Variants in SKA2 observed in about 807,000 individuals in gnomAD.
SKA2 encodes the protein spindle and kinetochore associated complex subunit 2, also known as spindle and kinetochore-associated protein 2.
Under a neutral mutation model 16.9 loss-of-function variants are expected in SKA2, and 13 were observed. The observed-to-expected ratio is 0.77, with a 90% confidence interval of 0.50 to 1.22. The LOEUF (loss-of-function observed/expected upper bound fraction) is 1.22, where lower values mean the gene tolerates loss of function less well. SKA2 is among the 50% of genes most tolerant of loss of function. The probability of loss-of-function intolerance (pLI) is 0.00; values close to 1 mark genes in which losing one functional copy is unlikely to be tolerated. For synonymous variants in SKA2, 47 were observed against 48.5 expected (o/e 0.97, Z 0.13); for missense variants, 107 against 139.7 (o/e 0.77, Z 1.18).
chr17:59,141,332 G>C (rs529870322), intron 1 of SKA2, among the ~76,000 whole-genome samples: 1 of 152,124 alleles, frequency 6.6e-6, no homozygotes, highest in East Asian at 1.9e-4. Flanking sequence ...GGGAAGCGGA[G>C]GTTGCAATGA....
chr17:59,111,203 C>G lies in SKA2; in HGVS notation c.*1074G>C, dbSNP rs929708885. On this transcript the variant is annotated 3_prime_UTR_variant, in exon 4 of 4. Transcript: ENST00000330137. ...ATATGACTCCAAAGCCCAATCTTCA[C>G]TACAAAACTGCAATACCTGCTTTCC... 6.6e-6 allele frequency: 1 copy of G among 152,204 alleles called. No individual in the cohort carries two copies. Among genetic ancestry groups the G allele is most frequent in the Non-Finnish European group, 1.5e-5 (1 of 68,036 alleles). 9.4% of individuals were successfully genotyped at this position (152,204 alleles called of 1,614,324 possible).
intron 1 of SKA2, among the ~76,000 whole-genome samples, chr17:59,132,333 G>T (rs2046416792): frequency 6.7e-6 from 1 of 150,058 alleles, no homozygotes; most frequent in Non-Finnish European, 1.5e-5. Flanking sequence ...TCCAGCCTGG[G>T]CGACAAGAAT....
chr17:59,140,332 G>A (rs1347261590), intron 1 of SKA2, among the ~76,000 whole-genome samples: 1 of 151,786 alleles, frequency 6.6e-6, no homozygotes, highest in African/African-American at 2.4e-5. Context: ...GGGTTCAAGC[G>A]ATTCTCCTGC....
chr17:59,136,798 C>T (rs1054232069), intron 1 of SKA2, among the ~76,000 whole-genome samples: 7 of 152,220 alleles, frequency 4.6e-5, no homozygotes, highest in Admixed American at 3.9e-4. Context: ...CCGCCCTCCT[C>T]GGCCTCCAAA....
chr17:59,154,278 T>C (rs978541592), intron 1 of SKA2, among the ~76,000 whole-genome samples: 1 of 151,590 alleles, frequency 6.6e-6, no homozygotes, highest in Non-Finnish European at 1.5e-5. Context: ...GCGATCAAGC[T>C]GGTAATCTAA....
chr17:59,147,332 G>A (rs1485268474), intron 1 of SKA2, among the ~76,000 whole-genome samples: 2 of 151,134 alleles, frequency 1.3e-5, no homozygotes, highest in African/African-American at 4.9e-5. Flanking sequence ...AAGCAGCTGC[G>A]CTTAAGGCCA....
Position 59,142,927 on chromosome 17 carries a change from CAAAAAAAA to C in SKA2, c.34-11568_34-11561del, listed in dbSNP as rs111796693. Among the ~76,000 whole-genome samples the C allele has an allele frequency of 6.0e-4, 36 of 60,330 alleles. No individual in the cohort carries two copies. The East Asian group carries it at 0.021, about 35-fold the overall frequency. 39.6% of individuals were successfully genotyped at this position (60,330 alleles called of 152,430 possible). On this transcript the variant is annotated intron_variant, in intron 1 of 3. Coordinates refer to ENST00000330137, the MANE Select transcript of SKA2 (RefSeq NM_182620.4). Reference sequence around the variant, plus strand: ...GGGCAACAAGAGCGTAACCCCATCTCAAAAAAAAAAAAAAAAAAAAAAGAGAGAGAGAC... The same window carrying C: ...GGGCAACAAGAGCGTAACCCCATCTCAAAAAAAAAAAAAAGAGAGAGAGAC...
chr17:59,136,394 C>T (rs760841766), intron 1 of SKA2, among the ~76,000 whole-genome samples: 2 of 152,002 alleles, frequency 1.3e-5, no homozygotes, highest in Non-Finnish European at 2.9e-5. Flanking sequence ...GAACTCCTGA[C>T]CTCAGGTGAT....
intron 2 of SKA2, among the ~76,000 whole-genome samples, chr17:59,130,578 T>C (rs2046405661): frequency 6.6e-6 from 1 of 150,814 alleles, no homozygotes; most frequent in Non-Finnish European, 1.5e-5. Context: ...TATGGTGAGC[T>C]GAGATTGCAC....
At position 59,112,168 on chromosome 17, in the gene SKA2, C is replaced by T; in HGVS notation, c.*109G>A. ...TTATCCAGTCATTGAAGCCAAACCC[C>T]CTTCACCAGCCCCCAATCTCTAGAC... is the stretch of plus-strand genomic sequence containing the variant. On this transcript the variant is annotated 3_prime_UTR_variant, in exon 4 of 4. Transcript: ENST00000330137. The T allele has an allele frequency of 1.1e-5, 9 of 818,798 alleles. No individual in the cohort carries two copies. Among genetic ancestry groups the T allele is most frequent in the Non-Finnish European group, 6.0e-6 (3 of 503,336 alleles). The allele number at this position is 818,798 out of a possible 1,614,324, so 50.7% of individuals were successfully genotyped here.
intron 2 of SKA2, among the ~76,000 whole-genome samples, chr17:59,119,725 A>C (rs1281271229): frequency 1.3e-5 from 2 of 152,100 alleles, no homozygotes; most frequent in Non-Finnish European, 2.9e-5. Context: ...ATAACCCACC[A>C]AAAAAATTAG....
At chr17:59,118,713 T>C (rs2046312987) in intron 3 of SKA2, among the ~76,000 whole-genome samples, 1 of 152,230 alleles carries the variant, frequency 6.6e-6, no homozygotes, top group Non-Finnish European at 1.5e-5. Flanking sequence ...CCTTGTGATA[T>C]AACAGATACA....
intron 2 of SKA2, among the ~76,000 whole-genome samples, chr17:59,124,025 T>A (rs528168307): frequency 1.3e-5 from 2 of 152,156 alleles, no homozygotes; most frequent in South Asian, 2.1e-4. Context: ...GGAAATACCA[T>A]AAGACACTGA....
At chr17:59,116,810 C>CTTTT (rs909458290) in intron 3 of SKA2, among the ~76,000 whole-genome samples, 17 of 75,298 alleles carry the variant, frequency 2.3e-4, no homozygotes, top group South Asian at 5.8e-4. Context: ...CTGCCTTTGG[C>CTTTT]TTTTTTTTTT....
chr17:59,125,010 G>C (rs894719580), intron 2 of SKA2, among the ~76,000 whole-genome samples: 1 of 140,776 alleles, frequency 7.1e-6, no homozygotes, highest in South Asian at 2.2e-4. Context: ...TTTCGCTCTT[G>C]TTTCCCAGGC....
chr17:59,137,540 A>G (rs1023008193), intron 1 of SKA2, among the ~76,000 whole-genome samples: 1 of 152,164 alleles, frequency 6.6e-6, no homozygotes, highest in African/African-American at 2.4e-5. Context: ...GGTCTCTCCT[A>G]TCAAATGAGT....
intron 1 of SKA2, among the ~76,000 whole-genome samples, chr17:59,148,815 AAAAAAAAAAAAAAAAG>A: frequency 1.3e-5 from 2 of 150,006 alleles, no homozygotes; most frequent in African/African-American, 4.9e-5. Context: ...TCTCAAAAAA[AAAAAAAAAAAAAAAAG>A]AAAAGAAAAT....
chr17:59,149,265 T>C (rs577101403), intron 1 of SKA2, among the ~76,000 whole-genome samples: 1 of 152,258 alleles, frequency 6.6e-6, no homozygotes, highest in South Asian at 2.1e-4. Flanking sequence ...CCCAGCACTT[T>C]GGGAGACTGA....
intron 1 of SKA2, among the ~76,000 whole-genome samples, chr17:59,133,884 A>G (rs1054901849): frequency 6.6e-6 from 1 of 152,334 alleles, no homozygotes; most frequent in Admixed American, 6.5e-5. Context: ...TTCCAGGTCA[A>G]TATCTTATTT....
Sources: allele counts gnomAD v4.1 joint callset (sites outside exome capture counted in the v4.1 genomes callset), GRCh38; gene constraint gnomAD v4.1.1; transcripts MANE v1.5; gene names NCBI Gene and HGNC (gene_info 2026-07-23, HGNC 2026-07-21).